The following CHRM3 variants were observed in gnomAD, a reference collection of about 807,000 sequenced individuals.
The protein encoded by CHRM3 is muscarinic acetylcholine receptor M3.
A neutral mutation model predicts 41.8 loss-of-function variants in CHRM3; 11 were observed. The observed-to-expected ratio is 0.26, with a 90% CI of 0.17 to 0.44. CHRM3 has a LOEUF of 0.44. Ranked by LOEUF, CHRM3 falls within the 20% of genes least tolerant of loss-of-function variation. The pLI is 1.00. For missense variants in CHRM3, 571 were observed against 745.4 expected (o/e 0.77, Z 2.72); for synonymous variants, 297 against 301.4 (o/e 0.99, Z 0.15).
chr1:239,637,340 C>A (rs965548238), intron 4 of CHRM3, among the ~76,000 whole-genome samples: 1 of 151,884 alleles, frequency 6.6e-6, no homozygotes, highest in Non-Finnish European at 1.5e-5. Context: ...CTGATCATTT[C>A]CAGTATTTCA....
chr1:239,769,347 C>A (rs990716531), intron 5 of CHRM3, among the ~76,000 whole-genome samples: 1 of 152,098 alleles, frequency 6.6e-6, no homozygotes, highest in African/African-American at 2.4e-5. Context: ...TTATGTCAAC[C>A]CTGTAAGACT....
intron 6 of CHRM3, among the ~76,000 whole-genome samples, chr1:239,846,681 T>C (rs1467403703): frequency 6.6e-6 from 1 of 152,210 alleles, no homozygotes; most frequent in Non-Finnish European, 1.5e-5. Flanking sequence ...AGAAATGTTA[T>C]ACCCACAATT....
At chr1:239,595,861 C>G (rs189056997) in intron 3 of CHRM3, among the ~76,000 whole-genome samples, 2 of 152,216 alleles carry the variant, frequency 1.3e-5, no homozygotes, top group East Asian at 3.9e-4. Context: ...TTTAATTTTA[C>G]AGATAGTCCC....
chr1:239,730,755 A>T (rs1368049494), intron 5 of CHRM3, among the ~76,000 whole-genome samples: 2 of 152,036 alleles, frequency 1.3e-5, no homozygotes, highest in East Asian at 3.9e-4. Context: ...AAAGATTTCT[A>T]TTTTAGAAAT....
intron 3 of CHRM3, among the ~76,000 whole-genome samples, chr1:239,612,026 G>A (rs1667133827): frequency 6.6e-6 from 1 of 152,124 alleles, no homozygotes; most frequent in African/African-American, 2.4e-5. Flanking sequence ...GGGGAGCTCA[G>A]GTTGCTCTGC....
chr1:239,528,112 G>C (rs757601214), intron 2 of CHRM3, among the ~76,000 whole-genome samples: 2 of 152,178 alleles, frequency 1.3e-5, no homozygotes, highest in African/African-American at 4.8e-5. Context: ...TAAACGAAAG[G>C]TTGCATTTAA....
At chr1:239,755,341 A>G (rs937797516) in intron 5 of CHRM3, among the ~76,000 whole-genome samples, 1 of 152,220 alleles carries the variant, frequency 6.6e-6, no homozygotes, top group African/African-American at 2.4e-5. Context: ...CTTATCAGGA[A>G]GTGAGTTAAC....
chr1:239,789,720 G>A (rs975959683), intron 5 of CHRM3, among the ~76,000 whole-genome samples: 7 of 152,098 alleles, frequency 4.6e-5, no homozygotes, highest in African/African-American at 1.7e-4. Flanking sequence ...ATTCATGAGG[G>A]GTCCACCCCT....
Position 239,912,254 on chromosome 1 carries a change from T to C in CHRM3, c.*3030T>C, listed in dbSNP as rs932767563. ...TGCCAGATGGTTAGGAGAAGTGAGC[T>C]CTCTCTGGTCCCCTAGATCCCTCGG... On this transcript the variant is annotated 3_prime_UTR_variant, in exon 7 of 7. Transcript: ENST00000676153. 3 of 167,152 alleles carry C rather than the reference T, an allele frequency of 1.8e-5. No individual in the cohort carries two copies. Among genetic ancestry groups the C allele is most frequent in the African/African-American group, 7.2e-5 (3 of 41,536 alleles). The allele number at this position is 167,152 out of a possible 1,614,324, so 10.4% of individuals were successfully genotyped here.
At chr1:239,795,432 C>T (rs1369854722) in intron 5 of CHRM3, among the ~76,000 whole-genome samples, 2 of 152,176 alleles carry the variant, frequency 1.3e-5, no homozygotes, top group Admixed American at 6.5e-5. Context: ...TTACCCATTT[C>T]AACCCCTTAT....
intron 2 of CHRM3, among the ~76,000 whole-genome samples, chr1:239,545,204 G>T (rs1043124823): frequency 6.6e-6 from 1 of 152,086 alleles, no homozygotes; most frequent in Non-Finnish European, 1.5e-5. Flanking sequence ...TAGTATGTCC[G>T]TGTGGCTATA....
At chr1:239,721,612 GA>G (rs768294433) in intron 5 of CHRM3, among the ~76,000 whole-genome samples, 2 of 151,896 alleles carry the variant, frequency 1.3e-5, no homozygotes, top group Non-Finnish European at 2.9e-5. Context: ...CTAAAGGATT[GA>G]AAAGGACTCA....
intron 6 of CHRM3, chr1:239,886,289 G>C (rs1678062461): frequency 6.6e-6 from 1 of 152,178 alleles, no homozygotes; most frequent in African/African-American, 2.4e-5. Flanking sequence ...ACCGACCAAG[G>C]AAGAGTCCCC....
chr1:239,774,848 C>T (rs73125266), intron 5 of CHRM3, among the ~76,000 whole-genome samples: 5,520 of 152,102 alleles, frequency 0.036, 343 homozygotes, highest in African/African-American at 0.12. Flanking sequence ...TGTTTTCTAA[C>T]AGCTACTCTG....
chr1:239,495,535 C>T (rs946356), intron 2 of CHRM3, among the ~76,000 whole-genome samples: 57 of 152,150 alleles, frequency 3.7e-4, no homozygotes, highest in Non-Finnish European at 2.4e-4. Flanking sequence ...GGGATTTATG[C>T]TCTCTGAAGT....
chr1:239,869,963 C>T (rs1008023599), intron 6 of CHRM3, among the ~76,000 whole-genome samples: 4 of 152,136 alleles, frequency 2.6e-5, no homozygotes, highest in Non-Finnish European at 5.9e-5. Flanking sequence ...GTTTGGGGTA[C>T]ACTGTCTTCT....
chr1:239,572,309 A>G (rs1175507140), intron 3 of CHRM3, among the ~76,000 whole-genome samples: 2 of 152,200 alleles, frequency 1.3e-5, no homozygotes, highest in African/African-American at 2.4e-5. Flanking sequence ...AATTCAAAAG[A>G]TTTCACAATT....
At chr1:239,423,187 T>C (rs998997724) in intron 1 of CHRM3, among the ~76,000 whole-genome samples, 3 of 152,226 alleles carry the variant, frequency 2.0e-5, no homozygotes, top group Admixed American at 2.0e-4. Context: ...AAAGAAATTT[T>C]ATCTTCTTCC....
At chr1:239,611,408 G>T (rs555098935) in intron 3 of CHRM3, among the ~76,000 whole-genome samples, 1 of 143,642 alleles carries the variant, frequency 7.0e-6, no homozygotes. Context: ...TCCAAGGTTT[G>T]CAAGTGACTT....
Sources: allele counts gnomAD v4.1 joint callset (sites outside exome capture counted in the v4.1 genomes callset), GRCh38; gene constraint gnomAD v4.1.1; transcripts MANE v1.5; gene names NCBI Gene and HGNC (gene_info 2026-07-23, HGNC 2026-07-21).